TRIM14: variants seen among roughly 807,000 people sequenced by gnomAD.
The protein encoded by TRIM14 is tripartite motif containing 14.
Under a neutral mutation model 44.5 loss-of-function variants are expected in TRIM14, and 28 were observed. The observed-to-expected ratio is 0.63, with a 90% CI of 0.47 to 0.86. The LOEUF is 0.86. Among genes scored for constraint, TRIM14 ranks in the 40% least tolerant of loss-of-function variants. TRIM14 has a pLI of 0.00. For synonymous variants in TRIM14, 299 were observed against 269.2 expected (o/e 1.11, Z -1.08); for missense variants, 607 against 611.1 (o/e 0.99, Z 0.07).
At chr9:98,049,469 G>C in the TRIM14 span, among the ~76,000 whole-genome samples, 1 of 150,824 alleles carries the variant, frequency 6.6e-6, no homozygotes, top group Non-Finnish European at 1.5e-5. Context: ...TTATTCATGA[G>C]TTTTCCAGGA....
At chr9:98,080,528 T>TG (rs1481290973), downstream of TRIM14, among the ~76,000 whole-genome samples, 1 of 152,256 alleles carries the variant, frequency 6.6e-6, no homozygotes, top group Non-Finnish European at 1.5e-5. Context: ...TTGTTACTCT[T>TG]GGTGTATTGT....
intron 6 of TRIM14, among the ~76,000 whole-genome samples, chr9:98,072,797 T>C (rs540250684): frequency 6.6e-6 from 1 of 152,286 alleles, no homozygotes; most frequent in African/African-American, 2.4e-5. Context: ...CCTTGTTCTG[T>C]ATTTACCTAG....
chr9:98,104,026 T>C (rs1201601948), intron 2 of TRIM14, among the ~76,000 whole-genome samples: 1 of 152,068 alleles, frequency 6.6e-6, no homozygotes, highest in Non-Finnish European at 1.5e-5. Flanking sequence ...TCTCTAAATC[T>C]GTGTTTCCTA....
downstream of TRIM14, chr9:98,081,165 G>T: frequency 1.9e-6 from 3 of 1,546,960 alleles, no homozygotes; most frequent in Non-Finnish European, 2.6e-6. Flanking sequence ...GTCAGGACCA[G>T]CCCTCCCTGA....
Position 98,119,210 on chromosome 9 carries a change from C to A in TRIM14, c.-22G>T, listed in dbSNP as rs1047367650. 2 of 1,562,594 alleles carry A rather than the reference C, an allele frequency of 1.3e-6. No individual in the cohort carries two copies. The highest frequency in any genetic ancestry group is 1.4e-5 in the African/African-American group (1 of 70,834). ...CCATTCATCTCCACCTCCTCCGGCT[C>A]CCCGGGACACAGGGCGGGGCTCCCA... is the stretch of plus-strand genomic sequence containing the variant. On this transcript the variant is annotated 5_prime_UTR_variant, in exon 1 of 6. Transcript: ENST00000341469.
chr9:98,109,472 C>T (rs1458181427), intron 2 of TRIM14, among the ~76,000 whole-genome samples: 3 of 152,164 alleles, frequency 2.0e-5, no homozygotes, highest in African/African-American at 2.4e-5. Context: ...AAGAAAGTAC[C>T]TATTTGTGGA....
intron 2 of TRIM14, among the ~76,000 whole-genome samples, chr9:98,108,105 T>C (rs1826693724): frequency 1.3e-5 from 2 of 148,952 alleles, no homozygotes; most frequent in Non-Finnish European, 3.0e-5. Flanking sequence ...TTTTGGATAG[T>C]GTGCTATAGT....
the TRIM14 span, among the ~76,000 whole-genome samples, chr9:98,047,418 C>T: frequency 3.9e-5 from 6 of 152,042 alleles, no homozygotes; most frequent in African/African-American, 1.5e-4. Flanking sequence ...TGGACCACTG[C>T]TGTAAAGATA....
chr9:98,092,213 G>A (rs1826020532), intron 4 of TRIM14, among the ~76,000 whole-genome samples: 2 of 152,166 alleles, frequency 1.3e-5, no homozygotes, highest in Non-Finnish European at 1.5e-5. Flanking sequence ...GCTGAGGCGC[G>A]AACAACTACT....
intron 5 of TRIM14, among the ~76,000 whole-genome samples, chr9:98,091,448 C>G (rs1396707555): frequency 6.6e-6 from 1 of 152,144 alleles, no homozygotes; most frequent in African/African-American, 2.4e-5. Flanking sequence ...CGGTCACACA[C>G]ACACACACAC....
At chr9:98,050,471 AAAAC>A in the TRIM14 span, among the ~76,000 whole-genome samples, 21 of 152,214 alleles carry the variant, frequency 1.4e-4, no homozygotes, top group African/African-American at 5.1e-4. Context: ...TTACAGAAGA[AAAAC>A]AAAACCTGGT....
intron 6 of TRIM14, among the ~76,000 whole-genome samples, chr9:98,077,400 A>G (rs1829639763): frequency 6.7e-6 from 1 of 149,512 alleles, no homozygotes; most frequent in African/African-American, 2.5e-5. Flanking sequence ...AATAGAGACA[A>G]GGTCTGTCTA....
At chr9:98,079,285 G>A (rs1490777257) in intron 6 of TRIM14, among the ~76,000 whole-genome samples, 3 of 152,086 alleles carry the variant, frequency 2.0e-5, no homozygotes, top group African/African-American at 4.8e-5. Context: ...AACTTTATTC[G>A]AAAATATGTA....
chr9:98,068,338 C>A (rs1443194966), downstream of TRIM14, among the ~76,000 whole-genome samples: 2 of 152,000 alleles, frequency 1.3e-5, no homozygotes, highest in African/African-American at 4.8e-5. Context: ...TGGAGTTTCA[C>A]CTTGTTGGTC....
chr9:98,063,405 C>T, the TRIM14 span, among the ~76,000 whole-genome samples: 20 of 151,926 alleles, frequency 1.3e-4, no homozygotes, highest in South Asian at 4.0e-3. Context: ...CCAGGCCCAG[C>T]TAAATTTTGT....
At chr9:98,110,667 C>G (rs1001704878) in intron 1 of TRIM14, among the ~76,000 whole-genome samples, 4 of 151,950 alleles carry the variant, frequency 2.6e-5, no homozygotes, top group Non-Finnish European at 4.4e-5. Context: ...TCACTCCCCA[C>G]AGGGAGCAGG....
At chr9:98,075,976 G>A (rs1187994648) in intron 6 of TRIM14, 2 of 152,090 alleles carry the variant, frequency 1.3e-5, no homozygotes, top group African/African-American at 4.8e-5. Context: ...CCAATTTCCT[G>A]AGTCTTGTTG....
At chr9:98,091,024 A>T (rs939098492) in intron 5 of TRIM14, among the ~76,000 whole-genome samples, 1 of 152,194 alleles carries the variant, frequency 6.6e-6, no homozygotes, top group Non-Finnish European at 1.5e-5. Flanking sequence ...AAACTCTGCT[A>T]ACTGGATACT....
chr9:98,096,407 G>C (rs1434626789), intron 3 of TRIM14, among the ~76,000 whole-genome samples: 1 of 152,202 alleles, frequency 6.6e-6, no homozygotes, highest in Non-Finnish European at 1.5e-5. Context: ...GGAGGCGAGA[G>C]GGGGCTCAGA....
Sources: gnomAD v4.1 joint callset for allele counts (sites outside exome capture counted in the v4.1 genomes callset) on GRCh38, gnomAD v4.1.1 for gene constraint, MANE v1.5 for transcripts, NCBI Gene and HGNC (gene_info 2026-07-23, HGNC 2026-07-21) for gene names.